The following TRIQK variants were observed in gnomAD, a reference collection of about 807,000 sequenced individuals.
TRIQK encodes triple QxxK/R motif containing, also known as triple QxxK/R motif-containing protein.
In TRIQK, 10 loss-of-function variants were observed where a neutral mutation model predicts 10.8. The observed-to-expected ratio is 0.92, with a 90% confidence interval of 0.57 to 1.57. TRIQK has a LOEUF of 1.57. Among genes scored for constraint, TRIQK ranks in the 40% most tolerant of loss-of-function variants. The probability of loss-of-function intolerance (pLI) is 0.00; values close to 1 mark genes in which losing one functional copy is unlikely to be tolerated. For missense variants in TRIQK, 107 were observed against 97.7 expected, an observed-to-expected ratio of 1.09 and a Z score of -0.40; for synonymous variants, 33 against 33.7, an observed-to-expected ratio of 0.98 and a Z score of 0.07.
At chr8:92,888,809 T>C (rs1054499868) in intron 4 of TRIQK, among the ~76,000 whole-genome samples, 3 of 151,682 alleles carry the variant, frequency 2.0e-5, no homozygotes, top group African/African-American at 7.2e-5. Context: ...CTTGTGATCC[T>C]TATTCTTTCA....
intron 1 of TRIQK, among the ~76,000 whole-genome samples, chr8:92,959,530 C>CT (rs1239749164): frequency 6.7e-6 from 1 of 148,918 alleles, no homozygotes; most frequent in East Asian, 2.0e-4. Flanking sequence ...CACAAAATGG[C>CT]TTTTGTGTTG....
At chr8:92,893,984 T>C (rs1816887029) in intron 3 of TRIQK, among the ~76,000 whole-genome samples, 1 of 152,044 alleles carries the variant, frequency 6.6e-6, no homozygotes, top group Admixed American at 6.6e-5. Context: ...GAGTCAATAC[T>C]AAAATGAGAA....
chr8:92,920,736 T>C (rs1274011173), intron 2 of TRIQK, among the ~76,000 whole-genome samples: 1 of 151,778 alleles, frequency 6.6e-6, no homozygotes, highest in Non-Finnish European at 1.5e-5. Context: ...CACATGCAAC[T>C]GAGTAGAAAT....
intron 2 of TRIQK, chr8:92,921,653 T>C (rs1190541054): frequency 6.6e-6 from 1 of 151,832 alleles, no homozygotes; most frequent in Non-Finnish European, 1.5e-5. Context: ...TTTTTCTGTT[T>C]CATATTGCTG....
chr8:92,901,983 T>C (rs909656572), intron 3 of TRIQK, among the ~76,000 whole-genome samples: 1 of 152,172 alleles, frequency 6.6e-6, no homozygotes, highest in African/African-American at 2.4e-5. Context: ...TGTATGAGTC[T>C]AGGAATTTAT....
intron 1 of TRIQK, among the ~76,000 whole-genome samples, chr8:92,975,015 A>G (rs1812916975): frequency 6.6e-6 from 1 of 152,168 alleles, no homozygotes; most frequent in African/African-American, 2.4e-5. Context: ...ATCTACCTCT[A>G]CTGTCCTATT....
intron 2 of TRIQK, among the ~76,000 whole-genome samples, chr8:92,925,644 G>T (rs2130516781): frequency 6.6e-6 from 1 of 152,234 alleles, no homozygotes; most frequent in South Asian, 2.1e-4. Context: ...CTTAACAACA[G>T]TAGTAATCAG....
At chr8:92,938,416 C>T (rs1199037699) in intron 2 of TRIQK, among the ~76,000 whole-genome samples, 5 of 151,722 alleles carry the variant, frequency 3.3e-5, no homozygotes, top group Non-Finnish European at 7.4e-5. Context: ...ATACTTGCTA[C>T]TTTTAATGAT....
chr8:93,007,237 C>G (rs1375137936), intron 1 of TRIQK, among the ~76,000 whole-genome samples: 2 of 152,306 alleles, frequency 1.3e-5, no homozygotes, highest in East Asian at 3.9e-4. Flanking sequence ...GAATCCCCAG[C>G]AAACTGCAGC....
intron 2 of TRIQK, among the ~76,000 whole-genome samples, chr8:92,949,089 G>A (rs1811697123): frequency 6.6e-6 from 1 of 152,142 alleles, no homozygotes; most frequent in South Asian, 2.1e-4. Flanking sequence ...TCCTTTTTCT[G>A]TCCATAAATC....
chr8:92,993,285 C>A (rs1371696415), intron 1 of TRIQK, among the ~76,000 whole-genome samples: 1 of 152,084 alleles, frequency 6.6e-6, no homozygotes, highest in Admixed American at 6.6e-5. Context: ...TCAGACTTAT[C>A]CCCATCATTC....
intron 3 of TRIQK, among the ~76,000 whole-genome samples, chr8:92,902,532 T>C (rs1345788412): frequency 1.3e-5 from 2 of 152,196 alleles, no homozygotes; most frequent in Non-Finnish European, 2.9e-5. Flanking sequence ...AATACGATGT[T>C]AAAGCCAGGT....
intron 1 of TRIQK, among the ~76,000 whole-genome samples, chr8:93,012,287 T>C (rs574452918): frequency 6.6e-6 from 1 of 152,280 alleles, no homozygotes; most frequent in South Asian, 2.1e-4. Context: ...TTCTTTGTGC[T>C]GGGAAACATC....
In TRIQK at chr8:92,917,028, A is replaced by T. The variant is rs1809895971; in HGVS notation, c.-21-18T>A. Reference sequence around the variant, plus strand: ...AATGCCTGCTGAAAAGAAAACAATTATAATGAAAATTTTTTTAAAAAGGAG... The same window carrying T: ...AATGCCTGCTGAAAAGAAAACAATTTTAATGAAAATTTTTTTAAAAAGGAG... On this transcript the variant is annotated intron_variant, in intron 2 of 4. Transcript: ENST00000521988. 1 of 1,446,146 alleles carries T rather than the reference A, an allele frequency of 6.9e-7. No homozygotes were observed. Among genetic ancestry groups the T allele is most frequent in the African/African-American group, 1.5e-5 (1 of 68,594 alleles). 89.6% of individuals were successfully genotyped at this position (1,446,146 alleles called of 1,614,324 possible).
upstream of TRIQK, among the ~76,000 whole-genome samples, chr8:92,970,749 A>T (rs1467517450): frequency 1.3e-5 from 2 of 151,986 alleles, no homozygotes; most frequent in Admixed American, 1.3e-4. Flanking sequence ...TCTGTAGGTT[A>T]TCTTTTCACT....
chr8:92,926,117 A>G (rs1410299903), intron 2 of TRIQK, among the ~76,000 whole-genome samples: 1 of 152,022 alleles, frequency 6.6e-6, no homozygotes, highest in African/African-American at 2.4e-5. Flanking sequence ...ATTGATCAAC[A>G]GAAGAGTTGA....
At chr8:92,902,422 T>C (rs909593653) in intron 3 of TRIQK, among the ~76,000 whole-genome samples, 2 of 152,128 alleles carry the variant, frequency 1.3e-5, no homozygotes, top group Non-Finnish European at 1.5e-5. Context: ...AGTGCACAGA[T>C]TGTCTCTTAA....
chr8:92,964,609 A>T (rs772924055), intron 1 of TRIQK, among the ~76,000 whole-genome samples: 5 of 108,138 alleles, frequency 4.6e-5, no homozygotes, highest in African/African-American at 7.6e-5. Flanking sequence ...CCCTAAGATT[A>T]AAAAAAAAAA....
intron 3 of TRIQK, among the ~76,000 whole-genome samples, chr8:92,916,174 TATTG>T (rs1156713136): frequency 6.6e-6 from 1 of 152,202 alleles, no homozygotes; most frequent in African/African-American, 2.4e-5. Flanking sequence ...AGTTATAGGA[TATTG>T]ATTGTTTATA....
Sources: allele counts gnomAD v4.1 joint callset (sites outside exome capture counted in the v4.1 genomes callset), GRCh38; gene constraint gnomAD v4.1.1; transcripts MANE v1.5; gene names NCBI Gene and HGNC (gene_info 2026-07-23, HGNC 2026-07-21).